RUSC1: variants seen among roughly 807,000 people sequenced by gnomAD.
RUSC1 encodes the protein RUN and SH3 domain containing 1.
In RUSC1, 40 loss-of-function variants were observed where a neutral mutation model predicts 72.1. The ratio of observed to expected loss-of-function variants is 0.55; its 90% CI spans 0.43 to 0.72. The LOEUF is 0.72. RUSC1 is among the 30% of genes least tolerant of loss of function. The probability of loss-of-function intolerance (pLI) is 0.00; values close to 1 mark genes in which losing one functional copy is unlikely to be tolerated. For missense variants in RUSC1, 1,092 were observed against 1,172.3 expected (o/e 0.93, Z 1.00); for synonymous variants, 512 against 494.2 (o/e 1.04, Z -0.48).
chr1:155,323,567 A>T (rs1650869436), intron 2 of RUSC1: 1 of 153,004 alleles, frequency 6.5e-6, no homozygotes, highest in Non-Finnish European at 1.4e-5. Context: ...AGCCCCCCAG[A>T]GGAGCAGCTG....
chr1:155,321,279 G>A, intron 1 of RUSC1: 1 of 1,368,522 alleles, frequency 7.3e-7, no homozygotes, highest in Non-Finnish European at 9.8e-7. Context: ...TCTGCGTATT[G>A]CCCCACCCCC....
Position 155,330,598 on chromosome 1 carries a change from T to C in RUSC1, c.*27T>C. 1 of 1,534,302 alleles carries C rather than the reference T, an allele frequency of 6.5e-7. No individual in the cohort carries two copies. The highest frequency in any genetic ancestry group is 8.8e-7 in the Non-Finnish European group (1 of 1,137,060). The stretch of plus-strand genomic sequence containing the variant: ...CCTGGGACCCTTTCCTGCGTATGTG[T>C]CTCCTTCCTGTCACCTGGGAATGGA... On this transcript the variant is annotated 3_prime_UTR_variant, in exon 10 of 10. Transcript: ENST00000368352.
intron 9 of RUSC1, among the ~76,000 whole-genome samples, chr1:155,329,392 C>CTT (rs749137919): frequency 1.6e-4 from 19 of 118,444 alleles, no homozygotes; most frequent in African/African-American, 1.9e-4. Context: ...GGCTACTAAA[C>CTT]TTTTTTTTTT....
Position 155,326,317 on chromosome 1 carries a change from A to G in RUSC1, c.1862-263A>G, listed in dbSNP as rs994595994. 6 of 562,104 alleles carry G rather than the reference A, an allele frequency of 1.1e-5. No individual in the cohort carries two copies. Among genetic ancestry groups the G allele is most frequent in the South Asian group, 4.6e-5 (2 of 43,172 alleles). 34.8% of individuals were successfully genotyped at this position (562,104 alleles called of 1,614,324 possible). A position where few individuals can be genotyped will look rare whatever the true frequency, so the allele number is the denominator to read the frequency against. On this transcript the variant is annotated intron_variant, in intron 7 of 9. Transcript: ENST00000368352. The surrounding 1 kb of genome is among the most constrained non-coding windows in gnomAD (Gnocchi z 4.7). ...CACGCCTCATTTTGTATGTGCTTCT[A>G]TGGCTCTCCTGTCCTCCTCCTCTGT... is the stretch of plus-strand genomic sequence containing the variant.
In RUSC1 at chr1:155,322,469, C is replaced by A; in HGVS notation, c.696C>A (p.Asn232Lys). 2 of 1,613,730 alleles carry A rather than the reference C, an allele frequency of 1.2e-6. No individual in the cohort carries two copies. Among genetic ancestry groups the A allele is most frequent in the Non-Finnish European group, 1.7e-6 (2 of 1,179,770 alleles). ...AAACGGAGCCCAGTTGGAAGATTAA[C>A]CCAATTTGGAAAATTGACACAGAGA... ...AGKTEPSWKI[N>K]PIWKIDTEKT... Residue 232 changes from asparagine (N) to lysine (K), a missense_variant, in exon 2 of 10, where the codon AAC becomes AAA. By Grantham distance (94) the Asn-to-Lys change is moderately conservative. Coordinates refer to ENST00000368352, the MANE Select transcript of RUSC1 (RefSeq NM_001105203.2).
Position 155,326,859 on chromosome 1 carries a change from C to T in RUSC1, c.2141C>T (p.Ala714Val), listed in dbSNP as rs752120512. 6 of 1,613,630 alleles carry T rather than the reference C, an allele frequency of 3.7e-6. No homozygotes were observed. The African/African-American group carries it at 8.0e-5, about 22-fold the overall frequency. The change falls in exon 8 of 10, where the codon GCT becomes GTT. Residue 714 changes from alanine (A) to valine (V), a missense_variant. Transcript: ENST00000368352. The surrounding 1 kb of genome is among the most constrained non-coding windows in gnomAD (Gnocchi z 4.7). ...CTTCGGGGGACTTCCAAGGAAGCTG[C>T]TTCAGACCCCTCTGACTCTCCAAAC... ...QSLRGTSKEA[A>V]SDPSDSPNLP...
chr1:155,322,283 T>A lies in RUSC1; in HGVS notation c.510T>A (p.Ala170=), dbSNP rs1247949537. 1 of 1,611,148 alleles carries A rather than the reference T, an allele frequency of 6.2e-7. No homozygotes were observed. ...GCTCTCCTGATTCCTGCTCCGGAGC[T>A]TCTTCTTCACCCGATCCTGGCCTGG... ...FCCSPDSCSG[A]SSSPDPGLDS... is the part of the protein sequence containing the mutation. The change falls in exon 2 of 10, where the codon GCT becomes GCA. Residue 170 remains alanine (A), a synonymous_variant. Transcript: ENST00000368352.
chr1:155,327,167 G>A, intron 8 of RUSC1, 35 bp downstream of exon 8: 1 of 1,542,868 alleles, frequency 6.5e-7, no homozygotes, highest in Non-Finnish European at 8.8e-7. Context: ...ATGACCTTCT[G>A]ACTCTCTCAG....
Position 155,321,924 on chromosome 1 carries a change from AGCAGGGGCCCCT to A in RUSC1, c.156_167del (p.Arg52_Cys55del). On this transcript the variant is annotated inframe_deletion, in exon 2 of 10. Coordinates refer to ENST00000368352, the MANE Select transcript of RUSC1 (RefSeq NM_001105203.2). ...TCCAGGAGACACTGGGGGCAAGGAGAGCAGGGGCCCCTGCAGTGGCACCCTGGTGGACGCCAA... is the reference window on the plus strand; with the variant it reads ...TCCAGGAGACACTGGGGGCAAGGAGAGCAGTGGCACCCTGGTGGACGCCAA... 6.2e-7 allele frequency: 1 copy of A among 1,607,592 alleles called. No homozygotes were observed. Among genetic ancestry groups the A allele is most frequent in the African/African-American group, 1.3e-5 (1 of 74,832 alleles).
Position 155,322,370 on chromosome 1 carries a change from G to C in RUSC1, c.597G>C (p.Glu199Asp), listed in dbSNP as rs936675503. Residue 199 changes from glutamate (E) to aspartate (D), a missense_variant, in exon 2 of 10, where the codon GAG becomes GAC. Transcript: ENST00000368352. ...QDVPSPGLEE[E>D]DERAEQDLPT... ...TCCCTTCCCCAGGCTTGGAGGAAGA[G>C]GACGAGAGGGCGGAGCAGGATCTCC... is the stretch of plus-strand genomic sequence containing the variant. 6.2e-7 allele frequency: 1 copy of C among 1,614,046 alleles called. No individual in the cohort carries two copies. Among genetic ancestry groups the C allele is most frequent in the Non-Finnish European group, 8.5e-7 (1 of 1,179,878 alleles).
chr1:155,330,666 A>G lies in RUSC1; in HGVS notation c.*95A>G. ...TCCCAGAAGCATTTTCCCTCTGCAA[A>G]ATGACGTTTCTTCCCACGTCTGTTT... On this transcript the variant is annotated 3_prime_UTR_variant, in exon 10 of 10. Coordinates refer to ENST00000368352, the MANE Select transcript of RUSC1 (RefSeq NM_001105203.2). The G allele has an allele frequency of 8.0e-7, 1 of 1,255,568 alleles. No homozygotes were observed. Among genetic ancestry groups the G allele is most frequent in the Non-Finnish European group, 1.1e-6 (1 of 928,514 alleles). 77.8% of individuals were successfully genotyped at this position (1,255,568 alleles called of 1,614,324 possible).
chr1:155,327,298 C>T (rs956798275), intron 8 of RUSC1, among the ~76,000 whole-genome samples, 166 bp downstream of exon 8: 21 of 152,214 alleles, frequency 1.4e-4, no homozygotes, highest in African/African-American at 4.6e-4. Context: ...TGTTAAGTGC[C>T]TACATAATGA....
At position 155,331,021 on chromosome 1, in the gene RUSC1, A is replaced by T. The variant is rs1432781746; in HGVS notation, c.*450A>T. On this transcript the variant is annotated 3_prime_UTR_variant, in exon 10 of 10. Coordinates refer to ENST00000368352, the MANE Select transcript of RUSC1 (RefSeq NM_001105203.2). ...TTGATAATGTACTCACTCATGCTGT[A>T]CTAGGTGCTGAAGCCTGGACACCCT... The T allele has an allele frequency of 1.9e-5, 3 of 158,712 alleles. No homozygotes were observed. The highest frequency in any genetic ancestry group is 7.2e-5 in the African/African-American group (3 of 41,468). The allele number at this position is 158,712 out of a possible 1,614,324, so 9.8% of individuals were successfully genotyped here. A position where few individuals can be genotyped will look rare whatever the true frequency, so the allele number is the denominator to read the frequency against.
intron 9 of RUSC1, among the ~76,000 whole-genome samples, chr1:155,328,812 AT>A (rs1651702869): frequency 6.6e-6 from 1 of 151,926 alleles, no homozygotes; most frequent in Non-Finnish European, 1.5e-5. Context: ...GTTCGCCGGG[AT>A]GGTCTTGATC....
chr1:155,329,392 C>CTTT (rs749137919), intron 9 of RUSC1, among the ~76,000 whole-genome samples: 1 of 118,464 alleles, frequency 8.4e-6, no homozygotes, highest in South Asian at 2.8e-4. Context: ...GGCTACTAAA[C>CTTT]TTTTTTTTTT....
chr1:155,330,176 AG>A (rs1651863450), intron 9 of RUSC1, among the ~76,000 whole-genome samples: 1 of 152,070 alleles, frequency 6.6e-6, no homozygotes. Context: ...AGCACCATTG[AG>A]AAGTGCAAAT....
Position 155,325,812 on chromosome 1 carries a change from G to A in RUSC1, c.1815-52G>A. 1 of 1,605,132 alleles carries A rather than the reference G, an allele frequency of 6.2e-7. No individual in the cohort carries two copies. Among genetic ancestry groups the A allele is most frequent in the Admixed American group, 1.7e-5 (1 of 60,002 alleles). On this transcript the variant is annotated intron_variant, in intron 6 of 9. Coordinates refer to ENST00000368352, the MANE Select transcript of RUSC1 (RefSeq NM_001105203.2). The surrounding 1 kb of genome is among the most constrained non-coding windows in gnomAD (Gnocchi z 6.5). ...TCATCTCCCATCCTCCACCCAGAGA[G>A]GACTGGAGTCCTCCACCTCCCTGAA...
In RUSC1 at chr1:155,325,531, G is replaced by A. The variant is rs768765930; in HGVS notation, c.1709-36G>A. The A allele has an allele frequency of 1.2e-6, 2 of 1,606,040 alleles. No individual in the cohort carries two copies. The highest frequency in any genetic ancestry group is 1.1e-5 in the South Asian group (1 of 90,928). On this transcript the variant is annotated intron_variant, in intron 5 of 9. Transcript: ENST00000368352. This position sits in a 1 kb window ranked among gnomAD's most constrained non-coding sequence, Gnocchi z 6.5. ...GTGGGACCCGGCAGTGCGCAGGGCA[G>A]GGCCGGGCTTGGCTGACTGCACCCC...
rs890970772 is a variant in RUSC1, at chr1:155,324,117, G to A, written c.1358-728G>A. On this transcript the variant is annotated intron_variant, in intron 2 of 9. Transcript: ENST00000368352. ...AAGTCTAGGGGGTCCCAGCGAGTCT[G>A]TTGTTAGGGGCTTTGGGTCACACCC... 6 of 1,237,370 alleles carry A rather than the reference G, an allele frequency of 4.8e-6. No homozygotes were observed. The African/African-American group carries it at 8.0e-5, about 16-fold the overall frequency. 76.6% of individuals were successfully genotyped at this position (1,237,370 alleles called of 1,614,324 possible).
Sources: allele counts gnomAD v4.1 joint callset (sites outside exome capture counted in the v4.1 genomes callset), GRCh38; gene constraint gnomAD v4.1.1; non-coding constraint Gnocchi (gnomAD v3.1); transcripts MANE v1.5; gene names NCBI Gene and HGNC (gene_info 2026-07-23, HGNC 2026-07-21).